The following TEX11 variants were observed in gnomAD, a reference collection of about 807,000 sequenced individuals.
TEX11 encodes the protein testis-expressed protein 11.
Under a neutral mutation model 84.4 loss-of-function variants are expected in TEX11, and 7 were observed. The ratio of observed to expected loss-of-function variants is 0.08; its 90% CI spans 0.05 to 0.16. TEX11 has a LOEUF of 0.16. Ranked by LOEUF, TEX11 falls within the 10% of genes least tolerant of loss-of-function variation. The pLI is 1.00. For missense variants in TEX11, 551 were observed against 660.5 expected (o/e 0.83, Z 1.82); for synonymous variants, 264 against 222.8 (o/e 1.18, Z -1.64).
At chrX:70,774,704 T>C (rs900383443) in intron 9 of TEX11, among the ~76,000 whole-genome samples, 1 of 111,470 alleles carries the variant, frequency 9.0e-6, no homozygotes, top group Non-Finnish European at 1.9e-5. Context: ...TGAAAGAGTT[T>C]AAAGGAAACA....
chrX:70,623,660 C>T lies in TEX11; in HGVS notation c.1751+290G>A, dbSNP rs1394988559. 3.6e-5 allele frequency among the ~76,000 whole-genome samples: 4 copies of T among 111,791 alleles called. No individual in the cohort carries two copies. In the East Asian group the frequency reaches 8.4e-4, roughly 23 times the overall value. On this transcript the variant is annotated intron_variant, in intron 20 of 29. Coordinates refer to ENST00000374333, the MANE Select transcript of TEX11 (RefSeq NM_031276.3). Reference sequence around the variant, plus strand: ...CTCTGCAGATCACATAAGTCTTTTGCCTTTTAGATGTTTTAACTCATTGAG... The same window carrying T: ...CTCTGCAGATCACATAAGTCTTTTGTCTTTTAGATGTTTTAACTCATTGAG...
chrX:70,812,239 C>G (rs1390287470), intron 8 of TEX11, among the ~76,000 whole-genome samples: 2 of 107,205 alleles, frequency 1.9e-5, no homozygotes, highest in Non-Finnish European at 3.8e-5. Flanking sequence ...GAGTCTCACT[C>G]TGTCACCCAG....
chrX:70,870,676 A>G (rs2091625245), intron 4 of TEX11, among the ~76,000 whole-genome samples: 4 of 111,390 alleles, frequency 3.6e-5, no homozygotes, highest in African/African-American at 1.3e-4. Flanking sequence ...TTGGTCATCT[A>G]TCCCTATTCT....
At chrX:70,797,882 G>A (rs757694763) in intron 9 of TEX11, among the ~76,000 whole-genome samples, 2 of 94,370 alleles carry the variant, frequency 2.1e-5, no homozygotes, top group Non-Finnish European at 4.2e-5. Flanking sequence ...CATGCAACAA[G>A]TCCACAGTTA....
chrX:70,651,464 C>T lies in TEX11; in HGVS notation c.1469G>A (p.Gly490Asp). The T allele has an allele frequency of 1.7e-6, 2 of 1,194,320 alleles. No individual in the cohort carries two copies. Among genetic ancestry groups the T allele is most frequent in the Non-Finnish European group, 2.3e-6 (2 of 883,089 alleles). ...AAAATTTATACCTCTTTCAGAGTTG[C>T]CCTCTATGACTGCAATCTTGAATAT... ...FYIFKIAVIE[G>D]NSERALQAII... The change falls in exon 17 of 30, where the codon GGC (glycine) becomes GAC (aspartate). Residue 490 changes from glycine to aspartate, a missense_variant. By Grantham distance (94) the Gly-to-Asp change is moderately conservative. Coordinates refer to ENST00000374333, the MANE Select transcript of TEX11 (RefSeq NM_031276.3).
rs183793352 is a variant in TEX11, at chrX:70,867,341, G to C, written c.244+5882C>G. On this transcript the variant is annotated intron_variant, in intron 4 of 29. Coordinates refer to ENST00000374333, the MANE Select transcript of TEX11 (RefSeq NM_031276.3). The stretch of plus-strand genomic sequence containing the variant: ...GGAATGTGAAGGATCTCTTCAAGGA[G>C]AACTACAAACCACTGCTCAAGGAAA... 8.0e-3 allele frequency among the ~76,000 whole-genome samples: 883 copies of C among 110,880 alleles called. 17 individuals are homozygous for C. Among genetic ancestry groups the C allele is most frequent in the African/African-American group, 0.027 (832 of 30,500 alleles).
At chrX:70,672,620 C>A (rs948879478) in intron 15 of TEX11, among the ~76,000 whole-genome samples, 2 of 111,245 alleles carry the variant, frequency 1.8e-5, no homozygotes, top group African/African-American at 6.5e-5. Context: ...TTTTTGGGTG[C>A]TTATTTTCAT....
At chrX:70,723,205 C>T (rs2090573782) in intron 12 of TEX11, among the ~76,000 whole-genome samples, 1 of 111,478 alleles carries the variant, frequency 9.0e-6, no homozygotes. Flanking sequence ...TTATTATTCC[C>T]TTTAAGAAAT....
intron 9 of TEX11, among the ~76,000 whole-genome samples, chrX:70,776,565 GAAAAA>G (rs781761552): frequency 1.1e-5 from 1 of 88,134 alleles, no homozygotes; most frequent in Non-Finnish European, 2.3e-5. Flanking sequence ...CCCTGTCTTG[GAAAAA>G]AAAAAAAAAA....
chrX:70,851,769 T>C (rs1484317990), intron 7 of TEX11, among the ~76,000 whole-genome samples: 1 of 110,531 alleles, frequency 9.0e-6, no homozygotes. Context: ...CAAATGTTCA[T>C]CAATAGATGA....
At chrX:70,524,255 C>T (rs1444367264), downstream of TEX11, among the ~76,000 whole-genome samples, 6 of 112,476 alleles carry the variant, frequency 5.3e-5, no homozygotes. Context: ...TTGTTCACCA[C>T]TTTATCTCTT....
intron 13 of TEX11, among the ~76,000 whole-genome samples, chrX:70,716,729 G>C (rs181144699): frequency 2.4e-4 from 27 of 112,112 alleles, no homozygotes; most frequent in African/African-American, 8.7e-4. Flanking sequence ...TGTACTTTCC[G>C]GGTGAGGCCA....
chrX:70,645,969 C>A (rs983428832), intron 17 of TEX11, among the ~76,000 whole-genome samples: 1 of 111,000 alleles, frequency 9.0e-6, no homozygotes, highest in South Asian at 3.7e-4. Flanking sequence ...CTATCGCAAT[C>A]TTGAGCAAAA....
chrX:70,840,592 T>TA (rs1569453176), intron 7 of TEX11, among the ~76,000 whole-genome samples: 1 of 111,497 alleles, frequency 9.0e-6, no homozygotes, highest in Non-Finnish European at 1.9e-5. Context: ...AATGACCAGC[T>TA]AACATCATAA....
chrX:70,635,048 G>A (rs964447728), intron 17 of TEX11, among the ~76,000 whole-genome samples: 8 of 112,053 alleles, frequency 7.1e-5, no homozygotes, highest in African/African-American at 2.3e-4. Context: ...ACTTTCCAGC[G>A]CTCATTCCCC....
intron 24 of TEX11, among the ~76,000 whole-genome samples, chrX:70,597,768 T>A (rs1431346217): frequency 8.9e-6 from 1 of 111,996 alleles, no homozygotes; most frequent in East Asian, 2.8e-4. Flanking sequence ...AAATTAAAAA[T>A]GTATTTCAAA....
At chrX:70,721,200 A>G (rs901877204) in intron 13 of TEX11, among the ~76,000 whole-genome samples, 14 of 111,602 alleles carry the variant, frequency 1.3e-4, no homozygotes, top group Non-Finnish European at 5.6e-5. Flanking sequence ...TGAAAATTGT[A>G]TAAAATATCA....
intron 28 of TEX11, among the ~76,000 whole-genome samples, chrX:70,544,250 A>C (rs5980962): frequency 0.25 from 27,847 of 111,242 alleles, 3,113 homozygotes; most frequent in Middle Eastern, 0.35. Flanking sequence ...GTGGTGGCTC[A>C]CACCTGTATT....
Position 70,634,574 on chromosome X carries a change from A to G in TEX11, c.1484-4839T>C, listed in dbSNP as rs181323898. On this transcript the variant is annotated intron_variant, in intron 17 of 29. Transcript: ENST00000374333. Reference sequence around the variant, plus strand: ...AATAGCGTAAGGATGGATGAATAGAAGAATGGAATGGAATAGAGTCCAGAA... The same window carrying G: ...AATAGCGTAAGGATGGATGAATAGAGGAATGGAATGGAATAGAGTCCAGAA... Among the ~76,000 whole-genome samples, 8 of 111,479 alleles carry G rather than the reference A, an allele frequency of 7.2e-5. No individual in the cohort carries two copies. In the East Asian group the frequency reaches 2.2e-3, roughly 31 times the overall value.
Sources: allele counts gnomAD v4.1 joint callset (sites outside exome capture counted in the v4.1 genomes callset), GRCh38; gene constraint gnomAD v4.1.1; transcripts MANE v1.5; gene names NCBI Gene and HGNC (gene_info 2026-07-23, HGNC 2026-07-21).